DSCAM: variants seen among roughly 807,000 people sequenced by gnomAD.
DSCAM encodes DS cell adhesion molecule.
Under a neutral mutation model 217.7 loss-of-function variants are expected in DSCAM, and 47 were observed. That is an observed-to-expected ratio of 0.22 (90% CI 0.17 to 0.28). The LOEUF is 0.28. DSCAM is among the 10% of genes least tolerant of loss of function. The probability of loss-of-function intolerance (pLI) is 1.00; values close to 1 mark genes in which losing one functional copy is unlikely to be tolerated. For synonymous variants in DSCAM, 1,056 were observed against 1,015.3 expected (o/e 1.04, Z -0.76); for missense variants, 2,080 against 2,618.3 (o/e 0.79, Z 4.49).
intron 19 of DSCAM, among the ~76,000 whole-genome samples, chr21:40,132,800 A>AGGT (rs776449613): frequency 5.3e-5 from 8 of 152,216 alleles, no homozygotes; most frequent in Non-Finnish European, 1.2e-4. Context: ...GCCCCTGAGC[A>AGGT]GGTGTTCTTT....
intron 3 of DSCAM, among the ~76,000 whole-genome samples, chr21:40,481,848 G>A (rs545226548): frequency 1.1e-3 from 171 of 152,272 alleles, no homozygotes; most frequent in African/African-American, 3.6e-3. Context: ...GACAGGACCC[G>A]TGTCACAGTT....
At chr21:40,841,536 G>A (rs1308007942) in intron 1 of DSCAM, among the ~76,000 whole-genome samples, 1 of 152,204 alleles carries the variant, frequency 6.6e-6, no homozygotes, top group Admixed American at 6.5e-5. Flanking sequence ...CCCCAGTCCA[G>A]GGGAACAGGT....
intron 1 of DSCAM, among the ~76,000 whole-genome samples, chr21:40,844,327 C>A (rs1277207811): frequency 6.6e-6 from 1 of 152,164 alleles, no homozygotes; most frequent in Admixed American, 6.5e-5. Flanking sequence ...TTCCCCTCCC[C>A]CCTTCAAAGA....
chr21:40,794,481 G>A (rs1270684879), intron 1 of DSCAM, among the ~76,000 whole-genome samples: 2 of 149,114 alleles, frequency 1.3e-5, no homozygotes, highest in African/African-American at 4.9e-5. Context: ...TTTGTTTTGC[G>A]ATATACTGCA....
At chr21:40,835,681 C>T (rs1218994512) in intron 1 of DSCAM, among the ~76,000 whole-genome samples, 1 of 152,078 alleles carries the variant, frequency 6.6e-6, no homozygotes, top group Non-Finnish European at 1.5e-5. Flanking sequence ...TTAATATTAT[C>T]TAAAATAAGA....
At chr21:40,013,456 A>C (rs2088099742) in intron 32 of DSCAM, 70 bp from the exon 33 acceptor site, 1 of 1,213,828 alleles carries the variant, frequency 8.2e-7, no homozygotes, top group Non-Finnish European at 1.1e-6. Context: ...TCCTGTGTGC[A>C]CACGGGAAGC....
At chr21:40,655,318 A>C (rs2090061633) in intron 3 of DSCAM, among the ~76,000 whole-genome samples, 2 of 152,158 alleles carry the variant, frequency 1.3e-5, no homozygotes, top group Admixed American at 1.3e-4. Context: ...GAAGTCCAAC[A>C]TCAAGGCACA....
At chr21:40,113,653 C>T (rs1482171048) in intron 20 of DSCAM, among the ~76,000 whole-genome samples, 1 of 152,104 alleles carries the variant, frequency 6.6e-6, no homozygotes, top group Non-Finnish European at 1.5e-5. Flanking sequence ...GATTGTATAT[C>T]TAGAAAACCC....
At chr21:40,710,399 T>G (rs2090766866) in intron 1 of DSCAM, among the ~76,000 whole-genome samples, 1 of 152,240 alleles carries the variant, frequency 6.6e-6, no homozygotes, top group Admixed American at 6.5e-5. Context: ...CCATGCCTTA[T>G]CTATATAATT....
At chr21:40,200,958 T>C (rs2091063450) in intron 11 of DSCAM, among the ~76,000 whole-genome samples, 1 of 152,260 alleles carries the variant, frequency 6.6e-6, no homozygotes, top group Admixed American at 6.5e-5. Flanking sequence ...ACTGGGCAGC[T>C]CTAATCCTTA....
chr21:40,110,303 C>A (rs1400951256), intron 20 of DSCAM, among the ~76,000 whole-genome samples: 1 of 152,204 alleles, frequency 6.6e-6, no homozygotes, highest in African/African-American at 2.4e-5. Context: ...CCCAGGCAAA[C>A]AGGGTCTGGA....
intron 30 of DSCAM, among the ~76,000 whole-genome samples, chr21:40,049,533 A>C (rs751804591): frequency 2.0e-5 from 3 of 152,184 alleles, no homozygotes; most frequent in Non-Finnish European, 4.4e-5. Flanking sequence ...AGAAATGAAA[A>C]CTACTTTAGT....
chr21:40,159,658 T>G (rs1422611161), intron 16 of DSCAM, among the ~76,000 whole-genome samples: 1 of 152,226 alleles, frequency 6.6e-6, no homozygotes, highest in African/African-American at 2.4e-5. Flanking sequence ...CTTGGCTCAC[T>G]GCAGCCTCTG....
chr21:40,391,956 T>C (rs1338860029), intron 3 of DSCAM, among the ~76,000 whole-genome samples: 1 of 152,202 alleles, frequency 6.6e-6, no homozygotes, highest in Non-Finnish European at 1.5e-5. Flanking sequence ...GGGAAGCAGA[T>C]GTGAAAAAGA....
At chr21:40,051,015 G>A (rs1429185146) in intron 30 of DSCAM, among the ~76,000 whole-genome samples, 2 of 152,152 alleles carry the variant, frequency 1.3e-5, no homozygotes, top group African/African-American at 4.8e-5. Flanking sequence ...TTATTTCGTA[G>A]GCAATGGGTT....
chr21:40,422,263 C>A (rs1411599745), intron 3 of DSCAM, among the ~76,000 whole-genome samples: 2 of 152,170 alleles, frequency 1.3e-5, no homozygotes, highest in Non-Finnish European at 2.9e-5. Context: ...AGGGCATATA[C>A]CCTAAAAGTC....
intron 3 of DSCAM, among the ~76,000 whole-genome samples, chr21:40,447,850 C>T (rs1413850684): frequency 6.6e-6 from 1 of 152,152 alleles, no homozygotes; most frequent in Non-Finnish European, 1.5e-5. Flanking sequence ...ATGCTTATAT[C>T]GATCAACTTC....
In DSCAM at chr21:40,148,435, C is replaced by T. The variant is rs551912695; in HGVS notation, c.3019-3704G>A. Among the ~76,000 whole-genome samples the T allele has an allele frequency of 2.0e-5, 3 of 152,148 alleles. No homozygotes were observed. In the East Asian group the frequency reaches 5.8e-4, roughly 29 times the overall value. Reference sequence around the variant, plus strand: ...ATGCAAATGTTTACAATTATGGCTACGGCTGCACATCTCTGTAAACATATG... The same window carrying T: ...ATGCAAATGTTTACAATTATGGCTATGGCTGCACATCTCTGTAAACATATG... On this transcript the variant is annotated intron_variant, in intron 16 of 32. Transcript: ENST00000400454.
At chr21:40,581,075 T>C (rs1484313462) in intron 3 of DSCAM, among the ~76,000 whole-genome samples, 1 of 152,178 alleles carries the variant, frequency 6.6e-6, no homozygotes, top group African/African-American at 2.4e-5. Context: ...TAGAAAAACA[T>C]CTCAGCAAAA....
Sources: allele counts gnomAD v4.1 joint callset (sites outside exome capture counted in the v4.1 genomes callset), GRCh38; gene constraint gnomAD v4.1.1; transcripts MANE v1.5; gene names NCBI Gene and HGNC (gene_info 2026-07-23, HGNC 2026-07-21).